The following CARMIL1 variants were observed in gnomAD, a reference collection of about 807,000 sequenced individuals.
CARMIL1 encodes capping protein regulator and myosin 1 linker 1, also known as F-actin-uncapping protein LRRC16A.
Under a neutral mutation model 177.1 loss-of-function variants are expected in CARMIL1, and 90 were observed. The ratio of observed to expected loss-of-function variants is 0.51; its 90% CI spans 0.43 to 0.61. CARMIL1 has a LOEUF of 0.61. Among genes scored for constraint, CARMIL1 ranks in the 20% least tolerant of loss-of-function variants. The pLI is 0.00. For missense variants in CARMIL1, 1,380 were observed against 1,667.0 expected (o/e 0.83, Z 3.00); for synonymous variants, 577 against 606.2 (o/e 0.95, Z 0.71).
At chr6:25,339,949 G>C (rs114087940) in intron 2 of CARMIL1, among the ~76,000 whole-genome samples, 219 of 152,308 alleles carry the variant, frequency 1.4e-3, no homozygotes, top group African/African-American at 5.1e-3. Flanking sequence ...AGAATTGGCT[G>C]TAGATGCCCC....
chr6:25,390,308 ATATATATATATATTT>A (rs199720265), intron 2 of CARMIL1, among the ~76,000 whole-genome samples: 1,235 of 48,488 alleles, frequency 0.025, 36 homozygotes, highest in African/African-American at 0.062. Flanking sequence ...ATATATATAT[ATATATATATATATTT>A]TTTTTTTTTT....
At chr6:25,334,441 T>C (rs984681435) in intron 2 of CARMIL1, among the ~76,000 whole-genome samples, 1 of 152,220 alleles carries the variant, frequency 6.6e-6, no homozygotes, top group African/African-American at 2.4e-5. Flanking sequence ...TTCTGTTTTC[T>C]TCTACCAACT....
intron 3 of CARMIL1, among the ~76,000 whole-genome samples, chr6:25,424,198 T>C (rs1300403951): frequency 6.6e-6 from 1 of 152,222 alleles, no homozygotes; most frequent in Non-Finnish European, 1.5e-5. Flanking sequence ...CTTGTCCTAG[T>C]TCTTTTAACA....
intron 2 of CARMIL1, among the ~76,000 whole-genome samples, chr6:25,315,036 A>T (rs1461273774): frequency 6.6e-6 from 1 of 152,236 alleles, no homozygotes; most frequent in Non-Finnish European, 1.5e-5. Flanking sequence ...ATATGTCAGT[A>T]CTATATGTAT....
In CARMIL1 at chr6:25,420,172, TTGA is replaced by T. The variant is rs537609170; in HGVS notation, c.189+12_189+14del. Reference sequence around the variant, plus strand: ...GCGCGAATCCCCACCAAGGTAAGTGTTGATGAAGTCCTTCCTTCTGCACTCACA... The same window carrying T: ...GCGCGAATCCCCACCAAGGTAAGTGTTGAAGTCCTTCCTTCTGCACTCACA... On this transcript the variant is annotated intron_variant, in intron 3 of 36. Coordinates refer to ENST00000329474, the MANE Select transcript of CARMIL1 (RefSeq NM_017640.6). The T allele has an allele frequency of 2.7e-3, 4,281 of 1,613,180 alleles. 14 individuals carry two copies. The highest frequency in any genetic ancestry group is 3.4e-3 in the Non-Finnish European group (3,959 of 1,179,174).
chr6:25,540,510 C>T (rs1808793071), intron 26 of CARMIL1, among the ~76,000 whole-genome samples: 1 of 151,944 alleles, frequency 6.6e-6, no homozygotes, highest in Non-Finnish European at 1.5e-5. Context: ...GGTTGAAAGA[C>T]TAGGAAAGGT....
At position 25,425,365 on chromosome 6, in the gene CARMIL1, A is replaced by G. The variant is rs377084496; in HGVS notation, c.190-1136A>G. ...TACTTCCCTCCCCACTATTAATAAT[A>G]ACTTCATCAGTATACTTTGAGATGT... On this transcript the variant is annotated intron_variant, in intron 3 of 36. Coordinates refer to ENST00000329474, the MANE Select transcript of CARMIL1 (RefSeq NM_017640.6). 9.9e-5 allele frequency among the ~76,000 whole-genome samples: 15 copies of G among 152,260 alleles called. 2 individuals are homozygous for G. In the South Asian group the frequency reaches 1.9e-3, roughly 19 times the overall value.
At chr6:25,505,799 C>T (rs1178499038) in intron 17 of CARMIL1, among the ~76,000 whole-genome samples, 7 of 152,134 alleles carry the variant, frequency 4.6e-5, no homozygotes, top group African/African-American at 1.7e-4. Context: ...CATAGTTATA[C>T]ATTAAGAGAA....
chr6:25,541,529 A>T (rs1194390491), intron 26 of CARMIL1, among the ~76,000 whole-genome samples: 1 of 152,210 alleles, frequency 6.6e-6, no homozygotes, highest in Non-Finnish European at 1.5e-5. Flanking sequence ...TTATACTTTC[A>T]TATGGATTCA....
At chr6:25,441,680 T>C (rs1472284147) in intron 5 of CARMIL1, among the ~76,000 whole-genome samples, 1 of 152,106 alleles carries the variant, frequency 6.6e-6, no homozygotes, top group Non-Finnish European at 1.5e-5. Flanking sequence ...TTGTTAACAT[T>C]CCAATCTTTG....
chr6:25,349,119 G>A (rs1044778605), intron 2 of CARMIL1, among the ~76,000 whole-genome samples: 2 of 152,112 alleles, frequency 1.3e-5, no homozygotes, highest in African/African-American at 4.8e-5. Flanking sequence ...TGGCTGGAGC[G>A]TATCCTGGCA....
chr6:25,427,630 C>T (rs1304166), intron 4 of CARMIL1, among the ~76,000 whole-genome samples: 19,782 of 152,110 alleles, frequency 0.13, 1,439 homozygotes, highest in Non-Finnish European at 0.16. Context: ...TTTGAGAAAC[C>T]GTCACACTTT....
At chr6:25,538,054 C>A in intron 25 of CARMIL1, 71 bp downstream of exon 25, 1 of 1,471,712 alleles carries the variant, frequency 6.8e-7, no homozygotes, top group Non-Finnish European at 9.0e-7. Context: ...GTTTTAGAAA[C>A]CAGTTTCAAC....
In CARMIL1 at chr6:25,594,494, T is replaced by A; in HGVS notation, c.3086T>A (p.Phe1029Tyr). 1 of 1,612,774 alleles carries A rather than the reference T, an allele frequency of 6.2e-7. No homozygotes were observed. The highest frequency in any genetic ancestry group is 8.5e-7 in the Non-Finnish European group (1 of 1,179,216). The change falls in exon 32 of 37, where the codon TTT (phenylalanine) becomes TAT (tyrosine). Residue 1029 changes from phenylalanine to tyrosine, a missense_variant. Phe to Tyr is a conservative substitution (Grantham distance 22). Transcript: ENST00000329474. ...MGRVDEGVDE[F>Y]FTKKVTKMDS... is the part of the protein sequence containing the mutation. ...AGAGTGGATGAAGGTGTAGATGAAT[T>A]TTTTACCAAGAAGGTGACCAAAATG...
At chr6:25,491,581 A>G in intron 13 of CARMIL1, 151 bp from the exon 14 acceptor site, 1 of 525,490 alleles carries the variant, frequency 1.9e-6, no homozygotes, top group Non-Finnish European at 3.4e-6. Context: ...CAGGGAACCT[A>G]AAGGAATGAC....
intron 2 of CARMIL1, among the ~76,000 whole-genome samples, chr6:25,373,233 A>G (rs755990873): frequency 2.0e-5 from 3 of 150,142 alleles, no homozygotes; most frequent in Non-Finnish European, 4.4e-5. Context: ...TTTCTGTTAT[A>G]TCCTTTCCTG....
chr6:25,312,527 G>A (rs9295654), intron 2 of CARMIL1, among the ~76,000 whole-genome samples: 31,600 of 151,932 alleles, frequency 0.21, 4,227 homozygotes, highest in East Asian at 0.4. Context: ...CCATGATAAC[G>A]CTGGAATTTT....
At chr6:25,600,892 C>T in intron 33 of CARMIL1, 146 bp downstream of exon 33, 1 of 776,878 alleles carries the variant, frequency 1.3e-6, no homozygotes, top group Non-Finnish European at 2.0e-6. Context: ...AAATTACTCT[C>T]TTCTTGCTAT....
chr6:25,357,336 C>G (rs140916016), intron 2 of CARMIL1, among the ~76,000 whole-genome samples: 7,921 of 152,252 alleles, frequency 0.052, 273 homozygotes, highest in Non-Finnish European at 0.087. Flanking sequence ...AAGCCCAGCA[C>G]TTTGGGAGGC....
Sources: allele counts gnomAD v4.1 joint callset (sites outside exome capture counted in the v4.1 genomes callset), GRCh38; gene constraint gnomAD v4.1.1; transcripts MANE v1.5; gene names NCBI Gene and HGNC (gene_info 2026-07-23, HGNC 2026-07-21).